The following RNF40 variants were observed in gnomAD, a reference collection of about 807,000 sequenced individuals.
The protein encoded by RNF40 is E3 ubiquitin-protein ligase BRE1B.
Under a neutral mutation model 123.3 loss-of-function variants are expected in RNF40, and 39 were observed. That is an observed-to-expected ratio of 0.32 (90% confidence interval 0.24 to 0.41). RNF40 has a LOEUF of 0.41. Among genes scored for constraint, RNF40 ranks in the 10% least tolerant of loss-of-function variants. RNF40 has a pLI of 1.00. For missense variants in RNF40, 1,003 were observed against 1,319.9 expected (o/e 0.76, Z 3.72); for synonymous variants, 538 against 526.0 (o/e 1.02, Z -0.31).
At chr16:30,769,671 A>C in intron 17 of RNF40, 71 bp downstream of exon 17, 1 of 1,448,246 alleles carries the variant, frequency 6.9e-7, no homozygotes, top group Non-Finnish European at 9.1e-7. Flanking sequence ...TTCTGCTCAG[A>C]GCACCCGATG....
rs1567280518 is a variant in RNF40 at position 30,763,297 on chromosome 16, C to T, written c.300+12C>T. 3 of 1,613,650 alleles carry T rather than the reference C, an allele frequency of 1.9e-6. No individual in the cohort carries two copies. Among genetic ancestry groups the T allele is most frequent in the Admixed American group, 1.7e-5 (1 of 60,022 alleles). On this transcript the variant is annotated intron_variant, in intron 3 of 19. Coordinates refer to ENST00000324685, the MANE Select transcript of RNF40 (RefSeq NM_014771.4). ...GCTACTGGGCCCAGGTGGATACCTTCTGCTTTCAAAGACCAGGCCTTGATT... is the reference window on the plus strand; with the variant it reads ...GCTACTGGGCCCAGGTGGATACCTTTTGCTTTCAAAGACCAGGCCTTGATT...
At chr16:30,771,780 G>C (rs1316024403) in intron 17 of RNF40, 53 bp from the exon 18 acceptor site, 1 of 1,510,194 alleles carries the variant, frequency 6.6e-7, no homozygotes, top group Non-Finnish European at 8.9e-7. Flanking sequence ...GACTCCACAT[G>C]CCTGAGTCAC....
Position 30,764,974 on chromosome 16 carries a change from A to G in RNF40, c.686A>G (p.His229Arg), listed in dbSNP as rs2151327412. The part of the protein sequence containing the change: ...SEPLSEAAQA[H>R]TRELGRENRR... ...CCCCTCAGTGAGGCGGCTCAGGCAC[A>G]CACCCGAGAGCTGGGCCGTGAGAAC... Residue 229 changes from histidine (H) to arginine (R), a missense_variant, in exon 6 of 20, where the codon CAC becomes CGC. This residue lies in a region of RNF40 where 274 missense variants were observed against 356.9 expected (regional missense o/e 0.77). Transcript: ENST00000324685. The G allele has an allele frequency of 6.2e-7, 1 of 1,613,002 alleles. No homozygotes were observed. Among genetic ancestry groups the G allele is most frequent in the African/African-American group, 1.3e-5 (1 of 74,982 alleles).
intron 2 of RNF40, among the ~76,000 whole-genome samples, 181 bp from the exon 3 acceptor site, chr16:30,762,937 C>T (rs1234940394): frequency 6.6e-6 from 1 of 152,234 alleles, no homozygotes; most frequent in Non-Finnish European, 1.5e-5. Flanking sequence ...ACGTGAGCCT[C>T]CTCACAACAA....
At chr16:30,771,166 T>C (rs1199363771) in intron 17 of RNF40, among the ~76,000 whole-genome samples, 23 of 152,220 alleles carry the variant, frequency 1.5e-4, no homozygotes, top group Non-Finnish European at 2.9e-5. Context: ...AATAAAATAG[T>C]GCATGTCACA....
rs753223703 is a variant in RNF40 at position 30,765,516 on chromosome 16, T to A, written c.993+17T>A. On this transcript the variant is annotated intron_variant, in intron 8 of 19. Coordinates refer to ENST00000324685, the MANE Select transcript of RNF40 (RefSeq NM_014771.4). ...ATGCAGAAGGTGAGCGGCGTTTTCC[T>A]CCCACCCCTTCTCACAACCTCTTCT... The A allele has an allele frequency of 6.2e-7, 1 of 1,610,726 alleles. No homozygotes were observed. Among genetic ancestry groups the A allele is most frequent in the East Asian group, 2.2e-5 (1 of 44,868 alleles).
chr16:30,764,168 A>G lies in RNF40; in HGVS notation c.443-11A>G, dbSNP rs1382779321. ...CTCTTATCCTCATGAGGGTCTGTCC[A>G]TTCCTTCCAGACCCCTTGCTGATGC... On this transcript the variant is annotated splice_polypyrimidine_tract_variant and intron_variant, in intron 4 of 19. Transcript: ENST00000324685. The G allele has an allele frequency of 3.7e-6, 6 of 1,601,586 alleles. No homozygotes were observed. The highest frequency in any genetic ancestry group is 1.3e-5 in the African/African-American group (1 of 74,682).
upstream of RNF40, chr16:30,761,689 A>T: frequency 6.5e-7 from 1 of 1,535,676 alleles, no homozygotes; most frequent in Non-Finnish European, 8.7e-7. Flanking sequence ...GCTCGGAGAG[A>T]TGTTCAAGCT....
Position 30,766,674 on chromosome 16 carries a change from T to C in RNF40, c.1294-67T>C. 6.2e-7 allele frequency: 1 copy of C among 1,602,322 alleles called. No homozygotes were observed. The highest frequency in any genetic ancestry group is 8.5e-7 in the Non-Finnish European group (1 of 1,173,116). On this transcript the variant is annotated intron_variant, in intron 10 of 19. Transcript: ENST00000324685. The surrounding 1 kb of genome is among the most constrained non-coding windows in gnomAD (Gnocchi z 5.4). ...CAGGGGTCCCTGGGGAATAGATTCT[T>C]CCTAAGATACTGAGTCCTGAGGTGG...
At position 30,763,159 on chromosome 16, in the gene RNF40, A is replaced by G. The variant is rs1248553628; in HGVS notation, c.174A>G (p.Lys58=). Residue 58 remains lysine, a synonymous_variant, in exon 3 of 20, where the codon AAA becomes AAG. Transcript: ENST00000324685. ...AGGTACTACAGTTCAAGAACAAGAA[A>G]CTGGCAGAGCGGCTGGAACAACGGC... ...DLKVLQFKNK[K]LAERLEQRQA... 12 of 1,614,088 alleles carry G rather than the reference A, an allele frequency of 7.4e-6. No homozygotes were observed. Among genetic ancestry groups the G allele is most frequent in the African/African-American group, 1.3e-5 (1 of 75,062 alleles).
intron 19 of RNF40, among the ~76,000 whole-genome samples, chr16:30,772,598 C>T (rs1399437739): frequency 1.3e-5 from 2 of 152,214 alleles, no homozygotes; most frequent in Admixed American, 6.5e-5. Flanking sequence ...ATAGGCCAGA[C>T]GTGGCTGTGA....
At chr16:30,773,874 C>A in intron 19 of RNF40, 64 bp from the exon 20 acceptor site, 2 of 1,532,740 alleles carry the variant, frequency 1.3e-6, no homozygotes, top group Admixed American at 1.8e-5. Context: ...ACTCCTCCTG[C>A]TGTCAGCTTG....
chr16:30,769,228 G>A lies in RNF40; in HGVS notation c.2290G>A (p.Ala764Thr). ...CTCAGAGATGGATGTGACAGGTCAG[G>A]CTTTTGAGGACATGCAGGAACAGAA... Reference protein sequence around the residue: ...LLSEMDVTGQAFEDMQEQNGR... With the variant: ...LLSEMDVTGQTFEDMQEQNGR... Residue 764 changes from alanine to threonine, a missense_variant, in exon 16 of 20, where the codon GCT becomes ACT. Physicochemically the swap from Ala to Thr is moderately conservative, Grantham distance 58. Transcript: ENST00000324685. 6.2e-7 allele frequency: 1 copy of A among 1,614,250 alleles called. No individual in the cohort carries two copies. Among genetic ancestry groups the A allele is most frequent in the Non-Finnish European group, 8.5e-7 (1 of 1,180,046 alleles).
Position 30,765,419 on chromosome 16 carries a change from C to T in RNF40, c.919-6C>T, listed in dbSNP as rs2054010158. ...CATCCATTGCCTGTCTGTTTTCTCT[C>T]CACAGCTTAACTCTGGCTACTATGT... On this transcript the variant is annotated splice_region_variant and splice_polypyrimidine_tract_variant and intron_variant, in intron 7 of 19. Transcript: ENST00000324685. 1.9e-6 allele frequency: 3 copies of T among 1,614,088 alleles called. No homozygotes were observed. The highest frequency in any genetic ancestry group is 2.5e-6 in the Non-Finnish European group (3 of 1,180,018).
chr16:30,767,726 T>C, intron 11 of RNF40, 168 bp from the exon 12 acceptor site: 1 of 773,778 alleles, frequency 1.3e-6, no homozygotes, highest in Non-Finnish European at 2.0e-6. Flanking sequence ...TTGGGTGAGT[T>C]TCCTTGAAGT....
Position 30,765,644 on chromosome 16 carries a change from T to G in RNF40, c.993+145T>G, listed in dbSNP as rs139940915. The G allele has an allele frequency of 8.6e-3, 6,238 of 727,088 alleles. 57 individuals carry two copies. Among genetic ancestry groups the G allele is most frequent in the Non-Finnish European group, 0.012 (5,089 of 442,360 alleles). The allele number at this position is 727,088 out of a possible 1,614,324, so 45.0% of individuals were successfully genotyped here. A position where few individuals can be genotyped will look rare whatever the true frequency, so the allele number is the denominator to read the frequency against. Reference sequence around the variant, plus strand: ...CTCTTTTTTTCATGCATTCATATACTTGTTGAGTAGATTTTTGAACACTTA... The same window carrying G: ...CTCTTTTTTTCATGCATTCATATACGTGTTGAGTAGATTTTTGAACACTTA... On this transcript the variant is annotated intron_variant, in intron 8 of 19. Transcript: ENST00000324685.
intron 8 of RNF40, among the ~76,000 whole-genome samples, chr16:30,765,738 T>G (rs541174602): frequency 6.6e-6 from 1 of 152,118 alleles, no homozygotes; most frequent in East Asian, 1.9e-4. Flanking sequence ...AGACAAGAAA[T>G]AAATAAAAGA....
Position 30,764,299 on chromosome 16 carries a change from C to G in RNF40, c.563C>G (p.Ser188Cys). 2.5e-6 allele frequency: 4 copies of G among 1,613,844 alleles called. No individual in the cohort carries two copies. The highest frequency in any genetic ancestry group is 3.3e-5 in the Admixed American group (2 of 59,990). Residue 188 changes from serine (S) to cysteine (C), a missense_variant, in exon 5 of 20, where the codon TCC becomes TGC. Physicochemically the swap from Ser to Cys is moderately radical, Grantham distance 112. Transcript: ENST00000324685. ...GAGCTGCAAGGCCGAATGGAGTTCT[C>G]CAAGGCAGCTGTGTCTCGTGTGGTA... is the stretch of plus-strand genomic sequence containing the variant. ...ELELQGRMEF[S>C]KAAVSRVVEA...
In RNF40 at chr16:30,775,678, G is replaced by C. The variant is rs2054222499; in HGVS notation, c.*1564G>C. The C allele has an allele frequency of 6.6e-6, 1 of 152,512 alleles. No individual in the cohort carries two copies. 9.4% of individuals were successfully genotyped at this position (152,512 alleles called of 1,614,324 possible). A position where few individuals can be genotyped will look rare whatever the true frequency, so the allele number is the denominator to read the frequency against. On this transcript the variant is annotated 3_prime_UTR_variant, in exon 20 of 20. Transcript: ENST00000324685. ...GTACCGAGCGGCGCCCCTGGGCTCA[G>C]CGCGCTGCAGGCGCCCCGGGCGGAT...
Sources: allele counts gnomAD v4.1 joint callset (sites outside exome capture counted in the v4.1 genomes callset), GRCh38; gene constraint gnomAD v4.1.1; regional missense constraint gnomAD v4.1.1; non-coding constraint Gnocchi (gnomAD v3.1); transcripts MANE v1.5; gene names NCBI Gene and HGNC (gene_info 2026-07-23, HGNC 2026-07-21).